Variants in ARHGAP26 observed in about 807,000 individuals in gnomAD.
The protein encoded by ARHGAP26 is Rho GTPase activating protein 26, also known as rho GTPase-activating protein 26.
Under a neutral mutation model 104.8 loss-of-function variants are expected in ARHGAP26, and 38 were observed. The observed-to-expected ratio is 0.36, with a 90% CI of 0.28 to 0.48. ARHGAP26 has a LOEUF of 0.48. Ranked by LOEUF, ARHGAP26 falls within the 20% of genes least tolerant of loss-of-function variation. The pLI is 0.99. For missense variants in ARHGAP26, 704 were observed against 947.9 expected (o/e 0.74, Z 3.38); for synonymous variants, 341 against 340.0 (o/e 1.00, Z -0.03).
intron 1 of ARHGAP26, chr5:142,771,365 C>T (rs1048166976): frequency 1.6e-6 from 2 of 1,232,032 alleles, no homozygotes; most frequent in Non-Finnish European, 2.0e-6. Flanking sequence ...GCTGCCTCCC[C>T]TTGGGAAAAG....
chr5:143,059,735 A>G lies in ARHGAP26; in HGVS notation c.1538+1988A>G, dbSNP rs371261792. Among the ~76,000 whole-genome samples the G allele has an allele frequency of 9.9e-5, 15 of 152,208 alleles. No homozygotes were observed. The East Asian group carries it at 2.7e-3, about 27-fold the overall frequency. On this transcript the variant is annotated intron_variant, in intron 17 of 22. Coordinates refer to ENST00000645722, the MANE Select transcript of ARHGAP26 (RefSeq NM_001135608.3). ...GTTTACTTCATAGCATTTCTTGATC[A>G]TTGTCTTATCTGTGAAACTTGAGAA...
At chr5:143,221,126 G>T (rs1811073410) in intron 22 of ARHGAP26, among the ~76,000 whole-genome samples, 1 of 152,172 alleles carries the variant, frequency 6.6e-6, no homozygotes, top group African/African-American at 2.4e-5. Context: ...CCACCTCTTA[G>T]TCCCATGATT....
chr5:143,194,052 C>T (rs141729262), intron 20 of ARHGAP26: 121 of 152,264 alleles, frequency 7.9e-4, no homozygotes, highest in African/African-American at 2.9e-3. Context: ...GCAGTGAAAT[C>T]AGCAGGACAC....
At chr5:142,848,586 T>C (rs570192239) in intron 1 of ARHGAP26, among the ~76,000 whole-genome samples, 38 of 152,316 alleles carry the variant, frequency 2.5e-4, no homozygotes, top group African/African-American at 9.1e-4. Context: ...TGTGTGAACA[T>C]CATAGTTGTG....
intron 13 of ARHGAP26, among the ~76,000 whole-genome samples, chr5:143,038,647 T>C (rs1307501310): frequency 6.7e-6 from 1 of 148,472 alleles, no homozygotes; most frequent in Non-Finnish European, 1.5e-5. Context: ...TGTGAATCAC[T>C]GACAATGCAA....
intron 1 of ARHGAP26, among the ~76,000 whole-genome samples, chr5:142,774,623 T>C (rs1317627116): frequency 1.3e-5 from 2 of 152,208 alleles, no homozygotes; most frequent in East Asian, 1.9e-4. Context: ...GGGCTCACTC[T>C]TTGTGTTGTA....
chr5:142,787,126 C>T (rs1267467522), intron 1 of ARHGAP26, among the ~76,000 whole-genome samples: 3 of 152,018 alleles, frequency 2.0e-5, no homozygotes, highest in Non-Finnish European at 4.4e-5. Flanking sequence ...TGCTCAGAAC[C>T]AGGGTGGGCA....
intron 10 of ARHGAP26, chr5:142,921,382 G>A (rs1266898580): frequency 6.1e-6 from 1 of 163,440 alleles, no homozygotes; most frequent in African/African-American, 2.4e-5. Context: ...TATTTTTTAT[G>A]GTGACGTAAT....
intron 13 of ARHGAP26, among the ~76,000 whole-genome samples, chr5:143,038,253 T>A (rs1287090441): frequency 6.6e-6 from 1 of 152,170 alleles, no homozygotes; most frequent in African/African-American, 2.4e-5. Context: ...TATACACTTT[T>A]TTTTCCATAA....
chr5:142,903,859 A>G (rs2152458742), intron 8 of ARHGAP26, among the ~76,000 whole-genome samples, 190 bp downstream of exon 8: 1 of 152,226 alleles, frequency 6.6e-6, no homozygotes, highest in South Asian at 2.1e-4. Flanking sequence ...TTCTTTATGA[A>G]TGGGAATTCC....
Position 143,144,142 on chromosome 5 carries a change from AT to A in ARHGAP26, c.1838-3082del, listed in dbSNP as rs35256152. On this transcript the variant is annotated intron_variant, in intron 19 of 22. Transcript: ENST00000645722. ...TTCTTTTGAAGCCCACTAGCCTATA[AT>A]TTTTTTCCTTCAGCAACATAATTGC... is the stretch of plus-strand genomic sequence containing the variant. 3.5e-4 allele frequency among the ~76,000 whole-genome samples: 53 copies of A among 151,956 alleles called. 1 individual carries two copies. The highest frequency in any genetic ancestry group is 7.4e-4 in the Non-Finnish European group (50 of 67,998).
intron 21 of ARHGAP26, among the ~76,000 whole-genome samples, chr5:143,213,436 A>C (rs1599548676): frequency 6.6e-6 from 1 of 151,924 alleles, no homozygotes; most frequent in South Asian, 2.1e-4. Context: ...GGGGTTGGAG[A>C]GCTCCAGCTC....
chr5:143,006,891 C>T (rs1778044049), intron 11 of ARHGAP26, among the ~76,000 whole-genome samples: 1 of 152,170 alleles, frequency 6.6e-6, no homozygotes, highest in African/African-American at 2.4e-5. Flanking sequence ...GGGTGGCATT[C>T]CACAGACTAA....
intron 1 of ARHGAP26, among the ~76,000 whole-genome samples, chr5:142,793,607 A>G (rs747651720): frequency 8.6e-5 from 13 of 151,594 alleles, no homozygotes; most frequent in Non-Finnish European, 1.8e-4. Flanking sequence ...CTTTTTTTCG[A>G]GACAGAGTCT....
At chr5:142,934,158 T>G (rs576062405) in intron 11 of ARHGAP26, among the ~76,000 whole-genome samples, 8 of 152,180 alleles carry the variant, frequency 5.3e-5, no homozygotes, top group Non-Finnish European at 1.0e-4. Context: ...AATTCCATTT[T>G]AAGTCTCCCC....
intron 20 of ARHGAP26, among the ~76,000 whole-genome samples, chr5:143,163,958 G>T (rs773308362): frequency 1.3e-5 from 2 of 151,634 alleles, no homozygotes; most frequent in African/African-American, 2.4e-5. Flanking sequence ...ATGAAAAGCT[G>T]CAATTTGATC....
chr5:143,133,898 A>G lies in ARHGAP26; in HGVS notation c.1699-69A>G, dbSNP rs1797634698. The G allele has an allele frequency of 9.6e-6, 14 of 1,457,478 alleles. No individual in the cohort carries two copies. In the South Asian group the frequency reaches 1.8e-4, roughly 18 times the overall value. The allele number at this position is 1,457,478 out of a possible 1,614,324, so 90.3% of individuals were successfully genotyped here. A position where few individuals can be genotyped will look rare whatever the true frequency, so the allele number is the denominator to read the frequency against. On this transcript the variant is annotated intron_variant, in intron 18 of 22. Coordinates refer to ENST00000645722, the MANE Select transcript of ARHGAP26 (RefSeq NM_001135608.3). Reference sequence around the variant, plus strand: ...AAGACACTGCCAAGCTTTCCGTTGTACTGCTTCAGGCCTGTTTTCTTCCCA... The same window carrying G: ...AAGACACTGCCAAGCTTTCCGTTGTGCTGCTTCAGGCCTGTTTTCTTCCCA...
intron 12 of ARHGAP26, among the ~76,000 whole-genome samples, chr5:143,023,172 T>C (rs1780575539): frequency 1.3e-5 from 2 of 152,218 alleles, no homozygotes; most frequent in African/African-American, 2.4e-5. Flanking sequence ...TTTCTGTACA[T>C]CCACTCATCC....
chr5:142,906,948 G>A (rs1229221201), intron 8 of ARHGAP26, among the ~76,000 whole-genome samples: 1 of 151,890 alleles, frequency 6.6e-6, no homozygotes, highest in Admixed American at 6.6e-5. Flanking sequence ...GAAGTCCTTT[G>A]CAGGCTGACT....
Sources: gnomAD v4.1 joint callset for allele counts (sites outside exome capture counted in the v4.1 genomes callset) on GRCh38, gnomAD v4.1.1 for gene constraint, MANE v1.5 for transcripts, NCBI Gene and HGNC (gene_info 2026-07-23, HGNC 2026-07-21) for gene names.